Variants in TSC22D1 observed in about 807,000 individuals in gnomAD.
The protein encoded by TSC22D1 is TSC22 domain family member 1.
TSC22D1 carries 9 observed loss-of-function variants against 74.2 expected under a neutral mutation model. The ratio of observed to expected loss-of-function variants is 0.12; its 90% CI spans 0.07 to 0.21. The LOEUF is 0.21. Among genes scored for constraint, TSC22D1 ranks in the 10% least tolerant of loss-of-function variants. The pLI, the probability that TSC22D1 is intolerant of heterozygous loss-of-function variation, is 1.00. For missense variants in TSC22D1, 1,427 were observed against 1,304.7 expected (o/e 1.09, Z -1.44); for synonymous variants, 586 against 492.5 (o/e 1.19, Z -2.51).
intron 1 of TSC22D1, among the ~76,000 whole-genome samples, chr13:44,555,860 GA>G (rs1370414730): frequency 6.6e-6 from 1 of 151,472 alleles, no homozygotes; most frequent in South Asian, 2.1e-4. Flanking sequence ...CTAACAAAAT[GA>G]AAAAAAATTC....
chr13:44,461,866 C>A (rs552060923), intron 1 of TSC22D1, among the ~76,000 whole-genome samples: 1 of 152,128 alleles, frequency 6.6e-6, no homozygotes, highest in Non-Finnish European at 1.5e-5. Context: ...AAATATCAAC[C>A]CTGCCTTTAG....
intron 1 of TSC22D1, among the ~76,000 whole-genome samples, chr13:44,475,570 T>A (rs1313800250): frequency 6.6e-6 from 1 of 151,374 alleles, no homozygotes; most frequent in Non-Finnish European, 1.5e-5. Flanking sequence ...AAATTGGCTG[T>A]ATGAAAAAGA....
intron 1 of TSC22D1, among the ~76,000 whole-genome samples, chr13:44,459,655 C>G (rs1225641775): frequency 1.3e-5 from 2 of 152,220 alleles, no homozygotes; most frequent in Non-Finnish European, 2.9e-5. Flanking sequence ...AGGGGCTCCC[C>G]AACCCAGGGC....
Position 44,576,037 on chromosome 13 carries a change from G to T in TSC22D1, c.38C>A (p.Ala13Asp). ...QPPESTAAAA[A>D]AADISARKMA... The stretch of plus-strand genomic sequence containing the variant: ...CTTCCTAGCGCTAATGTCTGCAGCG[G>T]CGGCGGCCGCGGCGGTGGACTCAGG... Residue 13 changes from alanine to aspartate, a missense_variant, in exon 1 of 3, where the codon GCC (alanine) becomes GAC (aspartate). Physicochemically the swap from Ala to Asp is moderately radical, Grantham distance 126 (BLOSUM62 -2). Transcript: ENST00000458659. 1 of 1,571,598 alleles carries T rather than the reference G, an allele frequency of 6.4e-7. No homozygotes were observed.
At chr13:44,485,019 T>C (rs1055964213) in intron 1 of TSC22D1, among the ~76,000 whole-genome samples, 61 of 152,134 alleles carry the variant, frequency 4.0e-4, no homozygotes, top group African/African-American at 1.5e-3. Context: ...AAAGAATAGA[T>C]ATGTAGAGTA....
Position 44,575,582 on chromosome 13 carries a change from A to G in TSC22D1, c.493T>C (p.Leu165=). ...GAGGAGCTGCGTTCGGGCTCCCCTA[A>G]GTCAGTAGCCCTGGAAAGTGACACA... The part of the protein sequence containing the change: ...LDVSLSRATD[L]GEPERSSSEE... The change falls in exon 1 of 3, where the codon TTA becomes CTA. Residue 165 remains leucine (L), a synonymous_variant. Transcript: ENST00000458659. The G allele has an allele frequency of 6.2e-7, 1 of 1,614,116 alleles. No individual in the cohort carries two copies. Among genetic ancestry groups the G allele is most frequent in the Middle Eastern group, 1.7e-4 (1 of 6,016 alleles).
At chr13:44,561,367 A>G (rs1313668611) in intron 1 of TSC22D1, among the ~76,000 whole-genome samples, 2 of 152,172 alleles carry the variant, frequency 1.3e-5, no homozygotes, top group Non-Finnish European at 2.9e-5. Context: ...TACCCTCCTA[A>G]AACATAGTAC....
At chr13:44,570,959 T>C (rs1883723033) in intron 1 of TSC22D1, among the ~76,000 whole-genome samples, 1 of 152,220 alleles carries the variant, frequency 6.6e-6, no homozygotes, top group African/African-American at 2.4e-5. Context: ...TAAAACACAA[T>C]AAAGAATATA....
chr13:44,478,754 G>T (rs181268687), intron 1 of TSC22D1, among the ~76,000 whole-genome samples: 9 of 151,950 alleles, frequency 5.9e-5, no homozygotes, highest in Admixed American at 5.9e-4. Flanking sequence ...TACTATGGAC[G>T]CCACCCAGCA....
intron 1 of TSC22D1, among the ~76,000 whole-genome samples, chr13:44,452,086 C>A (rs1226182244): frequency 6.6e-6 from 1 of 152,180 alleles, no homozygotes; most frequent in African/African-American, 2.4e-5. Context: ...CTTAGTCCGA[C>A]TTGACAGAAG....
At chr13:44,440,865 T>A (rs999624812) in intron 1 of TSC22D1, among the ~76,000 whole-genome samples, 1 of 151,922 alleles carries the variant, frequency 6.6e-6, no homozygotes, top group African/African-American at 2.4e-5. Context: ...AGCTTCCAAA[T>A]GGAAGAAACA....
intron 1 of TSC22D1, among the ~76,000 whole-genome samples, chr13:44,478,288 GAAT>G (rs1324013516): frequency 6.6e-6 from 1 of 151,988 alleles, no homozygotes; most frequent in Non-Finnish European, 1.5e-5. Flanking sequence ...AATACATGTA[GAAT>G]AATATTACTA....
intron 1 of TSC22D1, among the ~76,000 whole-genome samples, chr13:44,486,844 T>C (rs1276323803): frequency 2.0e-5 from 3 of 152,130 alleles, no homozygotes; most frequent in Non-Finnish European, 4.4e-5. Context: ...TTAAATAATA[T>C]GTGGATCAAA....
At chr13:44,523,617 G>A (rs1445535434) in intron 1 of TSC22D1, among the ~76,000 whole-genome samples, 2 of 152,328 alleles carry the variant, frequency 1.3e-5, no homozygotes, top group South Asian at 2.1e-4. Context: ...CTGAGGTGGG[G>A]AGGTAGGAGT....
chr13:44,448,903 G>GTA (rs36116108), intron 1 of TSC22D1, among the ~76,000 whole-genome samples: 1 of 151,728 alleles, frequency 6.6e-6, no homozygotes, highest in Non-Finnish European at 1.5e-5. Context: ...GTGTGTGTGT[G>GTA]TGTGTGTGTG....
At chr13:44,523,033 G>C (rs1402908453) in intron 1 of TSC22D1, among the ~76,000 whole-genome samples, 1 of 146,070 alleles carries the variant, frequency 6.8e-6, no homozygotes, top group African/African-American at 2.6e-5. Context: ...AAAGATAATA[G>C]AGAAAAAAAA....
chr13:44,498,088 C>CAA (rs200788733), intron 1 of TSC22D1, among the ~76,000 whole-genome samples: 1 of 124,958 alleles, frequency 8.0e-6, no homozygotes, highest in African/African-American at 2.9e-5. Flanking sequence ...ATGATAAAAC[C>CAA]AAAAAAAAAA....
At chr13:44,559,370 A>G (rs899688991) in intron 1 of TSC22D1, among the ~76,000 whole-genome samples, 1 of 152,194 alleles carries the variant, frequency 6.6e-6, no homozygotes, top group African/African-American at 2.4e-5. Flanking sequence ...ATTTTTTCCT[A>G]AATTAAATTC....
At chr13:44,444,278 CAAAAAAAAAAAAAA>C (rs71070905) in intron 1 of TSC22D1, among the ~76,000 whole-genome samples, 11 of 17,584 alleles carry the variant, frequency 6.3e-4, no homozygotes, top group African/African-American at 2.4e-3. Flanking sequence ...GACTCTGTCT[CAAAAAAAAAAAAAA>C]AAAAAAAAAA....
Sources: gnomAD v4.1 joint callset for allele counts (sites outside exome capture counted in the v4.1 genomes callset) on GRCh38, gnomAD v4.1.1 for gene constraint, MANE v1.5 for transcripts, NCBI Gene and HGNC (gene_info 2026-07-23, HGNC 2026-07-21) for gene names.